The following ZNF383 variants were observed in gnomAD, a reference collection of about 807,000 sequenced individuals.
ZNF383 encodes zinc finger protein 383.
A neutral mutation model predicts 44.2 loss-of-function variants in ZNF383; 32 were observed. That is an observed-to-expected ratio of 0.72 (90% confidence interval 0.55 to 0.97). ZNF383 has a LOEUF of 0.97. Among genes scored for constraint, ZNF383 ranks in the 50% least tolerant of loss-of-function variants. The pLI, the probability that ZNF383 is intolerant of heterozygous loss-of-function variation, is 0.00. For synonymous variants in ZNF383, 155 were observed against 186.2 expected (o/e 0.83, Z 1.36); for missense variants, 487 against 562.5 (o/e 0.87, Z 1.36).
chr19:37,225,548 C>A (rs760027452), intron 2 of ZNF383, among the ~76,000 whole-genome samples: 1 of 152,112 alleles, frequency 6.6e-6, no homozygotes, highest in Non-Finnish European at 1.5e-5. Flanking sequence ...GTTCTACTTT[C>A]TGTTTCTATG....
At chr19:37,231,373 A>G (rs1157416347) in intron 3 of ZNF383, among the ~76,000 whole-genome samples, 1 of 152,068 alleles carries the variant, frequency 6.6e-6, no homozygotes, top group East Asian at 1.9e-4. Flanking sequence ...AAAATACAGA[A>G]AATTAGCCAG....
intron 1 of ZNF383, among the ~76,000 whole-genome samples, chr19:37,221,968 A>AC (rs1267828255): frequency 6.6e-6 from 1 of 151,340 alleles, no homozygotes; most frequent in Non-Finnish European, 1.5e-5. Flanking sequence ...AAAAAAAAAA[A>AC]AAAAAGAAAA....
rs1181699168 is a variant in ZNF383 at position 37,248,485 on chromosome 19, C to G, written c.*4821C>G. On this transcript the variant is annotated 3_prime_UTR_variant, in exon 6 of 6. Transcript: ENST00000684119. ...AAATCAAACTTTCTACTTTCTGAAA[C>G]TTGAAAATCAAATTGATTTAGATAA... The G allele has an allele frequency of 6.6e-6, 1 of 152,058 alleles. No homozygotes were observed. Among genetic ancestry groups the G allele is most frequent in the East Asian group, 1.9e-4 (1 of 5,194 alleles). 9.4% of individuals were successfully genotyped at this position (152,058 alleles called of 1,614,324 possible).
At chr19:37,225,693 C>A (rs977981827) in intron 2 of ZNF383, among the ~76,000 whole-genome samples, 1 of 152,080 alleles carries the variant, frequency 6.6e-6, no homozygotes, top group East Asian at 1.9e-4. Context: ...TAGACACACA[C>A]AAACCCAAGT....
rs564781459 is a variant in ZNF383 at position 37,240,953 on chromosome 19, C to T, written c.233-1516C>T. Among the ~76,000 whole-genome samples, 7 of 152,152 alleles carry T rather than the reference C, an allele frequency of 4.6e-5. No individual in the cohort carries two copies. The East Asian group carries it at 5.8e-4, about 13-fold the overall frequency. Reference sequence around the variant, plus strand: ...TCCGGAGTAGCTGGGATTACAGGCACGTGCCACCATGCCTGGCTAATTTTT... The same window carrying T: ...TCCGGAGTAGCTGGGATTACAGGCATGTGCCACCATGCCTGGCTAATTTTT... On this transcript the variant is annotated intron_variant, in intron 5 of 5. Transcript: ENST00000684119.
At chr19:37,226,879 T>C (rs2145487105) in intron 2 of ZNF383, among the ~76,000 whole-genome samples, 1 of 152,238 alleles carries the variant, frequency 6.6e-6, no homozygotes, top group South Asian at 2.1e-4. Context: ...AATGCAGTGG[T>C]ACGATCTCAG....
rs1238185837 is a variant in ZNF383, at chr19:37,235,588, C to T, written c.49C>T (p.Gln17Ter). ...CAGTGATGTGTCCATAGACTTCTCT[C>T]AGGAGGAGTGGGACTGCCTGGACCC... ...MFSDVSIDFS[Q>*]EEWDCLDPVQ... The change falls in exon 4 of 6, where the codon CAG becomes TAG. Residue 17 changes from glutamine to a stop codon, truncating the protein, a stop_gained. Transcript: ENST00000684119. LOFTEE classifies it high-confidence loss of function. The T allele has an allele frequency of 1.2e-6, 2 of 1,613,978 alleles. No individual in the cohort carries two copies. Among genetic ancestry groups the T allele is most frequent in the Non-Finnish European group, 1.7e-6 (2 of 1,179,896 alleles).
At position 37,247,768 on chromosome 19, in the gene ZNF383, T is replaced by C. The variant is rs1447565218; in HGVS notation, c.*4104T>C. 1 of 152,224 alleles carries C rather than the reference T, an allele frequency of 6.6e-6. No individual in the cohort carries two copies. Among genetic ancestry groups the C allele is most frequent in the South Asian group, 2.1e-4 (1 of 4,832 alleles). The allele number at this position is 152,224 out of a possible 1,614,324, so 9.4% of individuals were successfully genotyped here. ...TCTGGAAAAAGTCTGTGATTTTTAA[T>C]AAGTTGACGACATCAGAATTAACTG... On this transcript the variant is annotated 3_prime_UTR_variant, in exon 6 of 6. Transcript: ENST00000684119.
At chr19:37,229,833 A>G (rs1212056096) in intron 2 of ZNF383, among the ~76,000 whole-genome samples, 1 of 146,640 alleles carries the variant, frequency 6.8e-6, no homozygotes, top group African/African-American at 2.5e-5. Flanking sequence ...AAACAGAGCT[A>G]GAAGAATTAG....
chr19:37,241,914 G>C (rs1041844681), intron 5 of ZNF383, among the ~76,000 whole-genome samples: 1 of 147,572 alleles, frequency 6.8e-6, no homozygotes, highest in African/African-American at 2.5e-5. Flanking sequence ...ATGTACACAC[G>C]CATACTTATA....
intron 1 of ZNF383, chr19:37,219,754 A>G (rs1299870324): frequency 6.6e-6 from 1 of 152,214 alleles, no homozygotes; most frequent in Non-Finnish European, 1.5e-5. Context: ...TACAAGGTGC[A>G]TTGGGTTTCC....
At chr19:37,229,756 ATG>A (rs1312261755) in intron 2 of ZNF383, among the ~76,000 whole-genome samples, 1 of 142,462 alleles carries the variant, frequency 7.0e-6, no homozygotes, top group Non-Finnish European at 1.5e-5. Flanking sequence ...ATATGTATAT[ATG>A]TGTGTATATA....
intron 3 of ZNF383, among the ~76,000 whole-genome samples, chr19:37,233,578 C>T (rs1432096100): frequency 6.6e-6 from 1 of 151,206 alleles, no homozygotes; most frequent in Non-Finnish European, 1.5e-5. Flanking sequence ...TACAGGCGCA[C>T]ACCACCACAA....
intron 4 of ZNF383, 55 bp from the exon 5 acceptor site, chr19:37,235,924 C>G (rs1973768173): frequency 5.5e-6 from 8 of 1,463,368 alleles, no homozygotes; most frequent in African/African-American, 1.4e-5. Flanking sequence ...CATCAAGGGA[C>G]TGGATCTCCT....
chr19:37,231,697 T>C (rs1003294902), intron 3 of ZNF383, among the ~76,000 whole-genome samples: 3 of 152,196 alleles, frequency 2.0e-5, no homozygotes, highest in African/African-American at 7.2e-5. Context: ...ATTATAGTTG[T>C]GTTATACCAG....
intron 5 of ZNF383, among the ~76,000 whole-genome samples, chr19:37,238,413 A>ATG (rs1317245269): frequency 6.6e-6 from 1 of 151,556 alleles, no homozygotes; most frequent in Non-Finnish European, 1.5e-5. Flanking sequence ...TTATATGTCC[A>ATG]TGTGTATATG....
intron 5 of ZNF383, among the ~76,000 whole-genome samples, chr19:37,239,925 C>T (rs564048961): frequency 5.3e-5 from 8 of 152,082 alleles, no homozygotes; most frequent in African/African-American, 1.4e-4. Flanking sequence ...TTTGGGAGGC[C>T]GAGGCGGGAG....
At chr19:37,238,733 G>A (rs142752045) in intron 5 of ZNF383, among the ~76,000 whole-genome samples, 2 of 152,270 alleles carry the variant, frequency 1.3e-5, no homozygotes, top group African/African-American at 4.8e-5. Flanking sequence ...GGATGTACCT[G>A]TAGATGATTT....
chr19:37,221,642 C>T (rs1007379319), intron 1 of ZNF383, among the ~76,000 whole-genome samples: 20 of 149,556 alleles, frequency 1.3e-4, no homozygotes, highest in African/African-American at 4.9e-4. Flanking sequence ...GACCTGATGA[C>T]TTGTATAAAA....
Sources: allele counts gnomAD v4.1 joint callset (sites outside exome capture counted in the v4.1 genomes callset), GRCh38; gene constraint gnomAD v4.1.1; transcripts MANE v1.5; gene names NCBI Gene and HGNC (gene_info 2026-07-23, HGNC 2026-07-21).